Variants in HNRNPUL1 observed in about 807,000 individuals in gnomAD.
The protein encoded by HNRNPUL1 is heterogeneous nuclear ribonucleoprotein U-like protein 1.
A neutral mutation model predicts 108.5 loss-of-function variants in HNRNPUL1; 14 were observed. The observed-to-expected ratio is 0.13, with a 90% CI of 0.09 to 0.20. HNRNPUL1 has a LOEUF of 0.20. Ranked by LOEUF, HNRNPUL1 falls within the 10% of genes least tolerant of loss-of-function variation. The pLI is 1.00. For missense variants in HNRNPUL1, 804 were observed against 1,168.3 expected, an observed-to-expected ratio of 0.69 and a Z score of 4.55; for synonymous variants, 422 against 445.2, an observed-to-expected ratio of 0.95 and a Z score of 0.66.
chr19:41,302,837 CG>C lies in HNRNPUL1; in HGVS notation c.1865del (p.Gly622ValfsTer293). On this transcript the variant is annotated frameshift_variant, in exon 12 of 15. Coordinates refer to ENST00000392006, the MANE Select transcript of HNRNPUL1 (RefSeq NM_007040.6). LOFTEE classifies it high-confidence loss of function. ...GAGGTGGTGGTGGCTTCCGGGGCCG[CG>C]GGGGTGGTGGTGGCTTCCAGCGCTA... The part of the protein sequence containing the change: ...NRGGGGFRGR[G>X]GGGGFQRYEN... The C allele has an allele frequency of 6.3e-7, 1 of 1,595,274 alleles. No individual in the cohort carries two copies. Among genetic ancestry groups the C allele is most frequent in the Non-Finnish European group, 8.6e-7 (1 of 1,168,652 alleles).
intron 3 of HNRNPUL1, among the ~76,000 whole-genome samples, chr19:41,273,067 A>G (rs1176296127): frequency 4.6e-5 from 7 of 152,210 alleles, no homozygotes; most frequent in Non-Finnish European, 1.0e-4. Flanking sequence ...TAGGACATGG[A>G]TCCCACCTCA....
rs527820953 is a variant in HNRNPUL1, at chr19:41,303,907, A to G, written c.1973-65A>G. The G allele has an allele frequency of 5.3e-5, 83 of 1,554,226 alleles. 1 individual carries two copies. The highest frequency in any genetic ancestry group is 2.6e-4 in the South Asian group (21 of 81,590). On this transcript the variant is annotated intron_variant, in intron 12 of 14. Transcript: ENST00000392006. ...CCGGCTCACAGTAGTCACCAAGACA[A>G]CCCAGTTCCCTGGGGTTGCCATTTG... is the stretch of plus-strand genomic sequence containing the variant.
intron 7 of HNRNPUL1, among the ~76,000 whole-genome samples, chr19:41,284,455 C>G (rs775271197): frequency 1.3e-5 from 2 of 151,114 alleles, no homozygotes; most frequent in Non-Finnish European, 3.0e-5. Context: ...CGCTTGAGCC[C>G]AGGAGTTCAA....
chr19:41,274,511 G>A (rs909332163), intron 4 of HNRNPUL1, among the ~76,000 whole-genome samples: 1 of 152,190 alleles, frequency 6.6e-6, no homozygotes, highest in African/African-American at 2.4e-5. Context: ...ACTGTGTCCT[G>A]TGAGGCACTA....
In HNRNPUL1 at chr19:41,306,484, G is replaced by A. The variant is rs374867187; in HGVS notation, c.2490G>A (p.Gln830=). Residue 830 remains glutamine, a synonymous_variant, in exon 15 of 15, where the codon CAG becomes CAA. Transcript: ENST00000392006. ...AQQWNQYYQN[Q]GQWPPYYGNY... ...AGTGGAACCAGTACTATCAGAACCA[G>A]GGCCAGTGGCCGCCATACTACGGGA... The A allele has an allele frequency of 4.4e-6, 7 of 1,603,940 alleles. No individual in the cohort carries two copies. Among genetic ancestry groups the A allele is most frequent in the Non-Finnish European group, 4.3e-6 (5 of 1,175,862 alleles).
rs1197996806 is a variant in HNRNPUL1 at position 41,294,233 on chromosome 19, G to T, written c.1267-105G>T. The T allele has an allele frequency of 2.4e-5, 31 of 1,315,642 alleles. No individual in the cohort carries two copies. In the East Asian group the frequency reaches 7.2e-4, roughly 31 times the overall value. 81.5% of individuals were successfully genotyped at this position (1,315,642 alleles called of 1,614,324 possible). A position where few individuals can be genotyped will look rare whatever the true frequency, so the allele number is the denominator to read the frequency against. On this transcript the variant is annotated intron_variant, in intron 8 of 14. Transcript: ENST00000392006. This position sits in a 1 kb window ranked among gnomAD's most constrained non-coding sequence, Gnocchi z 4.3. ...ATGGTATTACTGCTTCCGCTTTGTA[G>T]AGGCAGCCACAGCTCAGAGGTCCAG...
upstream of HNRNPUL1, chr19:41,263,049 A>C (rs2034597524): frequency 6.6e-6 from 1 of 151,892 alleles, no homozygotes; most frequent in Non-Finnish European, 1.5e-5. Flanking sequence ...TCAAAAAAAA[A>C]AAAAAAAAAA....
intron 7 of HNRNPUL1, among the ~76,000 whole-genome samples, chr19:41,283,998 G>A (rs934427425): frequency 6.6e-6 from 1 of 152,222 alleles, no homozygotes; most frequent in African/African-American, 2.4e-5. Flanking sequence ...AACACTGTGT[G>A]TCATACATCT....
chr19:41,302,214 GTTTTT>G lies in HNRNPUL1; in HGVS notation c.1688-434_1688-430del, dbSNP rs58368849. Among the ~76,000 whole-genome samples, 10 of 92,436 alleles carry G rather than the reference GTTTTT, an allele frequency of 1.1e-4. No homozygotes were observed. The South Asian group carries it at 2.2e-3, about 21-fold the overall frequency. 60.6% of individuals were successfully genotyped at this position (92,436 alleles called of 152,430 possible). A position where few individuals can be genotyped will look rare whatever the true frequency, so the allele number is the denominator to read the frequency against. ...TGTCTACCTCTTTCTCTCTCTCTCT[GTTTTT>G]TTTTTTTTTTTTTTTTGGAGAGGGA... On this transcript the variant is annotated intron_variant, in intron 11 of 14. Transcript: ENST00000392006.
intron 6 of HNRNPUL1, 93 bp downstream of exon 6, chr19:41,279,269 G>T: frequency 1.2e-6 from 1 of 851,030 alleles, no homozygotes; most frequent in South Asian, 1.4e-5. Flanking sequence ...TCCAGCGTCA[G>T]ACTTAGAATA....
chr19:41,264,950 G>A (rs972516496), intron 1 of HNRNPUL1, 152 bp downstream of exon 1: 1 of 1,274,328 alleles, frequency 7.8e-7, no homozygotes, highest in Non-Finnish European at 9.9e-7. Context: ...GGGGACCAGG[G>A]CCCCAGCACG....
intron 8 of HNRNPUL1, among the ~76,000 whole-genome samples, chr19:41,293,851 A>G (rs1199055102): frequency 6.6e-6 from 1 of 152,102 alleles, no homozygotes; most frequent in Non-Finnish European, 1.5e-5. Flanking sequence ...AAAAAGAGAG[A>G]AAAAGATTAG....
At chr19:41,303,100 C>T in intron 12 of HNRNPUL1, 151 bp downstream of exon 12, 1 of 885,308 alleles carries the variant, frequency 1.1e-6, no homozygotes, top group South Asian at 2.6e-5. Context: ...GACACGGAGA[C>T]CTCAGAAACG....
At chr19:41,302,149 G>C (rs1175915055) in intron 11 of HNRNPUL1, among the ~76,000 whole-genome samples, 1 of 149,324 alleles carries the variant, frequency 6.7e-6, no homozygotes, top group Non-Finnish European at 1.5e-5. Context: ...AGGAGTCTTT[G>C]TTAGCCCCTG....
chr19:41,296,961 C>T (rs977019389), intron 10 of HNRNPUL1, among the ~76,000 whole-genome samples: 2 of 152,182 alleles, frequency 1.3e-5, no homozygotes, highest in African/African-American at 4.8e-5. Context: ...CTGCAGAAGC[C>T]AGGTGGGCCT....
In HNRNPUL1 at chr19:41,301,598, A is replaced by G; in HGVS notation, c.1581A>G (p.Lys527=). ...GACCATTTGAAGGCTTCCAGCGCAA[A>G]GCTATTGTAATTTGTCCCACTGACG... ...KMRPFEGFQR[K]AIVICPTDED... Residue 527 remains lysine (K), a synonymous_variant, in exon 11 of 15, where the codon AAA becomes AAG. Coordinates refer to ENST00000392006, the MANE Select transcript of HNRNPUL1 (RefSeq NM_007040.6). The G allele has an allele frequency of 6.2e-7, 1 of 1,614,182 alleles. No homozygotes were observed. Among genetic ancestry groups the G allele is most frequent in the East Asian group, 2.2e-5 (1 of 44,884 alleles).
At chr19:41,273,811 C>T (rs1568432640) in intron 3 of HNRNPUL1, among the ~76,000 whole-genome samples, 171 bp from the exon 4 acceptor site, 1 of 152,208 alleles carries the variant, frequency 6.6e-6, no homozygotes, top group Non-Finnish European at 1.5e-5. Flanking sequence ...GGTCATTGCT[C>T]TCCTTGCAAG....
upstream of HNRNPUL1, among the ~76,000 whole-genome samples, chr19:41,264,080 T>C (rs2034649232): frequency 6.6e-6 from 1 of 152,180 alleles, no homozygotes; most frequent in Non-Finnish European, 1.5e-5. Flanking sequence ...TGGACCAAAT[T>C]GTTACTCCCT....
intron 10 of HNRNPUL1, among the ~76,000 whole-genome samples, chr19:41,295,818 C>G (rs1290161791): frequency 6.6e-6 from 1 of 152,164 alleles, no homozygotes; most frequent in Non-Finnish European, 1.5e-5. Context: ...AAGGAATCGC[C>G]AGAGACCGAG....
Sources: gnomAD v4.1 joint callset for allele counts (sites outside exome capture counted in the v4.1 genomes callset) on GRCh38, gnomAD v4.1.1 for gene constraint, Gnocchi (gnomAD v3.1) non-coding constraint, MANE v1.5 for transcripts, NCBI Gene and HGNC (gene_info 2026-07-23, HGNC 2026-07-21) for gene names.